Variants in LRRC40 observed in about 807,000 individuals in gnomAD.
The protein encoded by LRRC40 is leucine rich repeat containing 40.
A neutral mutation model predicts 72.8 loss-of-function variants in LRRC40; 76 were observed. That is an observed-to-expected ratio of 1.04 (90% confidence interval 0.87 to 1.26). LRRC40 has a LOEUF of 1.26. LRRC40 is among the 50% of genes most tolerant of loss of function. The pLI, the probability that LRRC40 is intolerant of heterozygous loss-of-function variation, is 0.00. For missense variants in LRRC40, 684 were observed against 698.9 expected (o/e 0.98, Z 0.24); for synonymous variants, 243 against 254.2 (o/e 0.96, Z 0.42).
intron 9 of LRRC40, among the ~76,000 whole-genome samples, chr1:70,170,958 A>G (rs1405997795): frequency 6.6e-6 from 1 of 152,164 alleles, no homozygotes; most frequent in Non-Finnish European, 1.5e-5. Context: ...TTCAAAACTT[A>G]CTACAAAACA....
At position 70,148,490 on chromosome 1, in the gene LRRC40, A is replaced by T. The variant is rs766896733; in HGVS notation, c.1700T>A (p.Leu567Ter). 2 of 1,606,976 alleles carry T rather than the reference A, an allele frequency of 1.2e-6. No homozygotes were observed. Among genetic ancestry groups the T allele is most frequent in the South Asian group, 2.2e-5 (2 of 90,510 alleles). ...IPPELGNCVN[L>*]RTLLLDGNPF... ...TGCAGTAGAATGGTGTAGTTACCTT[A>T]AGTTTACACAATTACCGAGCTCTGG... is the stretch of plus-strand genomic sequence containing the variant. The change falls in exon 14 of 15, where the codon TTA becomes TAA. Residue 567 changes from leucine (L) to a stop codon, truncating the protein, a stop_gained. Transcript: ENST00000370952. LOFTEE classifies it high-confidence loss of function.
chr1:70,165,611 T>C (rs1377408285), intron 9 of LRRC40, among the ~76,000 whole-genome samples: 1 of 151,476 alleles, frequency 6.6e-6, no homozygotes, highest in East Asian at 1.9e-4. Flanking sequence ...TTTTCACCAA[T>C]CCCTTTTCTA....
At chr1:70,189,444 T>C (rs568550199) in intron 1 of LRRC40, among the ~76,000 whole-genome samples, 171 bp from the exon 2 acceptor site, 2 of 152,158 alleles carry the variant, frequency 1.3e-5, no homozygotes, top group South Asian at 2.1e-4. Flanking sequence ...AGAGTGAAAG[T>C]TGATTTTATT....
chr1:70,160,034 T>C (rs1289815773), intron 9 of LRRC40, among the ~76,000 whole-genome samples: 1 of 152,186 alleles, frequency 6.6e-6, no homozygotes, highest in African/African-American at 2.4e-5. Context: ...TCAACCACCT[T>C]ACTAATCTCC....
intron 1 of LRRC40, among the ~76,000 whole-genome samples, chr1:70,195,606 T>C (rs1668591243): frequency 6.6e-6 from 1 of 152,116 alleles, no homozygotes; most frequent in African/African-American, 2.4e-5. Context: ...GGGAAACAGT[T>C]TGGTGAATTC....
Position 70,151,123 on chromosome 1 carries a change from CT to C in LRRC40, c.1517+4del. ...AATAACAATTAGAATTGTCTGTTCT[CT>C]TACCTATTAAAGGAAAGATTGATCG... On this transcript the variant is annotated splice_donor_region_variant and intron_variant, in intron 13 of 14. Coordinates refer to ENST00000370952, the MANE Select transcript of LRRC40 (RefSeq NM_017768.5). The C allele has an allele frequency of 6.8e-7, 1 of 1,467,952 alleles. No individual in the cohort carries two copies. Among genetic ancestry groups the C allele is most frequent in the Non-Finnish European group, 9.5e-7 (1 of 1,050,334 alleles). The allele number at this position is 1,467,952 out of a possible 1,614,324, so 90.9% of individuals were successfully genotyped here.
Position 70,148,610 on chromosome 1 carries a change from T to G in LRRC40, c.1580A>C (p.Asn527Thr). 1 of 1,611,548 alleles carries G rather than the reference T, an allele frequency of 6.2e-7. No individual in the cohort carries two copies. The highest frequency in any genetic ancestry group is 1.7e-5 in the Admixed American group (1 of 59,996). Residue 527 changes from asparagine to threonine, a missense_variant, in exon 14 of 15, where the codon AAT (asparagine) becomes ACT (threonine). Asn to Thr is a moderately conservative substitution (Grantham distance 65, BLOSUM62 0). Coordinates refer to ENST00000370952, the MANE Select transcript of LRRC40 (RefSeq NM_017768.5). ...IFTLETILISNNQVGSVDPQK... is the reference protein window; with the variant it reads ...IFTLETILISTNQVGSVDPQK... ...AGGGTCCACAGATCCAACCTGATTA[T>G]TACTAATCAGAATTGTTTCAAGTGT... is the stretch of plus-strand genomic sequence containing the variant.
chr1:70,172,132 G>A (rs1363944686), intron 9 of LRRC40, among the ~76,000 whole-genome samples: 15 of 152,024 alleles, frequency 9.9e-5, no homozygotes, highest in East Asian at 1.9e-4. Flanking sequence ...AGAAGTCTTG[G>A]GGGCTCATTA....
intron 1 of LRRC40, among the ~76,000 whole-genome samples, chr1:70,205,101 A>G (rs1402181852): frequency 6.6e-6 from 1 of 152,188 alleles, no homozygotes; most frequent in Non-Finnish European, 1.5e-5. Flanking sequence ...GTTTCGTCAC[A>G]TATTATGTTG....
chr1:70,187,537 A>G (rs919426952), intron 2 of LRRC40, among the ~76,000 whole-genome samples, 199 bp from the exon 3 acceptor site: 2 of 152,026 alleles, frequency 1.3e-5, no homozygotes, highest in African/African-American at 4.8e-5. Context: ...AGAAATCATG[A>G]AGTAAGGCCA....
intron 1 of LRRC40, among the ~76,000 whole-genome samples, chr1:70,199,215 TCACACACACACA>T (rs3223615): frequency 1.4e-4 from 20 of 140,510 alleles, no homozygotes; most frequent in Admixed American, 2.1e-4. Context: ...ATACATAGTC[TCACACACACACA>T]CACACACACA....
intron 1 of LRRC40, among the ~76,000 whole-genome samples, chr1:70,197,341 G>C (rs955633595): frequency 6.6e-6 from 1 of 151,788 alleles, no homozygotes; most frequent in Non-Finnish European, 1.5e-5. Context: ...ACAGTGGTGT[G>C]ATCATAACTC....
rs1668382513 is a variant in LRRC40 at position 70,187,337 on chromosome 1, AT to A, written c.334del (p.Ile112TyrfsTer6). On this transcript the variant is annotated frameshift_variant and splice_region_variant, in exon 3 of 15. Coordinates refer to ENST00000370952, the MANE Select transcript of LRRC40 (RefSeq NM_017768.5). LOFTEE classifies it high-confidence loss of function. ...RLLPALTVLD[I>X]HDNQLTSLPS... ...AAGGGATGTCAACTGATTATCATGTATCTAAAAGTTTTTAAAAGACAAAGTC... is the reference window on the plus strand; with the variant it reads ...AAGGGATGTCAACTGATTATCATGTACTAAAAGTTTTTAAAAGACAAAGTC... 2 of 1,518,942 alleles carry A rather than the reference AT, an allele frequency of 1.3e-6. No homozygotes were observed. Among genetic ancestry groups the A allele is most frequent in the Non-Finnish European group, 1.8e-6 (2 of 1,102,654 alleles). The allele number at this position is 1,518,942 out of a possible 1,614,324, so 94.1% of individuals were successfully genotyped here.
chr1:70,151,135 AG>A lies in LRRC40; in HGVS notation c.1509del (p.Phe504LeufsTer21). 2 of 1,533,488 alleles carry A rather than the reference AG, an allele frequency of 1.3e-6. No individual in the cohort carries two copies. Among genetic ancestry groups the A allele is most frequent in the Non-Finnish European group, 1.8e-6 (2 of 1,109,124 alleles). The allele number at this position is 1,533,488 out of a possible 1,614,324, so 95.0% of individuals were successfully genotyped here. ...AATTGTCTGTTCTCTTACCTATTAA[AG>A]GAAAGATTGATCGTTTGCAGTCTTA... is the stretch of plus-strand genomic sequence containing the variant. ...SLVRLQTINLSFNRFKMLPEV... is the reference protein window; with the variant it reads ...SLVRLQTINLXFNRFKMLPEV... On this transcript the variant is annotated frameshift_variant, in exon 13 of 15. Transcript: ENST00000370952. LOFTEE classifies it high-confidence loss of function.
intron 9 of LRRC40, among the ~76,000 whole-genome samples, chr1:70,172,871 C>T (rs1246196163): frequency 6.6e-6 from 1 of 151,726 alleles, no homozygotes; most frequent in Non-Finnish European, 1.5e-5. Context: ...TGTTTCTTAG[C>T]ATAGCACTCG....
At chr1:70,155,137 C>CA (rs1667609188) in intron 11 of LRRC40, among the ~76,000 whole-genome samples, 1 of 151,810 alleles carries the variant, frequency 6.6e-6, no homozygotes, top group Admixed American at 6.6e-5. Context: ...TAATTAACAA[C>CA]AAAAAATGTA....
At chr1:70,160,809 T>C (rs1667741187) in intron 9 of LRRC40, among the ~76,000 whole-genome samples, 1 of 152,082 alleles carries the variant, frequency 6.6e-6, no homozygotes, top group African/African-American at 2.4e-5. Flanking sequence ...GTTGTTTTTT[T>C]TAACCATGTG....
intron 1 of LRRC40, among the ~76,000 whole-genome samples, chr1:70,198,406 A>C (rs769104201): frequency 2.2e-4 from 33 of 152,222 alleles, no homozygotes; most frequent in Non-Finnish European, 3.5e-4. Context: ...AGTTTTAGAT[A>C]ATCATCCAAT....
Position 70,203,844 on chromosome 1 carries a change from G to T in LRRC40, c.151+1546C>A, listed in dbSNP as rs1291526923. On this transcript the variant is annotated intron_variant, in intron 1 of 14. Transcript: ENST00000370952. ...TATCAAAGTTTCACTAACAAGTGATGAAACTGAGGGCTACATACAGCCAGA... is the reference window on the plus strand; with the variant it reads ...TATCAAAGTTTCACTAACAAGTGATTAAACTGAGGGCTACATACAGCCAGA... Among the ~76,000 whole-genome samples, 6 of 151,532 alleles carry T rather than the reference G, an allele frequency of 4.0e-5. No homozygotes were observed. The South Asian group carries it at 1.0e-3, about 26-fold the overall frequency.
Sources: gnomAD v4.1 joint callset for allele counts (sites outside exome capture counted in the v4.1 genomes callset) on GRCh38, gnomAD v4.1.1 for gene constraint, MANE v1.5 for transcripts, NCBI Gene and HGNC (gene_info 2026-07-23, HGNC 2026-07-21) for gene names.